Variants in SGK2 observed in about 807,000 individuals in gnomAD.
SGK2 encodes the protein serine/threonine-protein kinase Sgk2.
In SGK2, 36 loss-of-function variants were observed where a neutral mutation model predicts 47.5. That is an observed-to-expected ratio of 0.76 (90% CI 0.58 to 1.00). SGK2 has a LOEUF of 1.00. Among genes scored for constraint, SGK2 ranks in the 50% least tolerant of loss-of-function variants. SGK2 has a pLI of 0.00. For synonymous variants in SGK2, 157 were observed against 181.9 expected (o/e 0.86, Z 1.10); for missense variants, 404 against 467.4 (o/e 0.86, Z 1.25).
chr20:43,565,144 G>C (rs1486584869), intron 1 of SGK2: 3 of 152,338 alleles, frequency 2.0e-5, no homozygotes, highest in African/African-American at 7.2e-5. Flanking sequence ...GCCGGGAGCT[G>C]TGAGCTCTGT....
At chr20:43,579,827 G>A in intron 11 of SGK2, 145 bp from the exon 12 acceptor site, 1 of 660,770 alleles carries the variant, frequency 1.5e-6, no homozygotes, top group Non-Finnish European at 2.7e-6. Context: ...AAACTCTCTT[G>A]TCCCAGGAAA....
rs548126301 is a variant in SGK2 at position 43,577,831 on chromosome 20, G to T, written c.849+1452G>T. Among the ~76,000 whole-genome samples the T allele has an allele frequency of 2.6e-5, 4 of 151,900 alleles. No individual in the cohort carries two copies. The South Asian group carries it at 8.3e-4, about 32-fold the overall frequency. On this transcript the variant is annotated intron_variant, in intron 11 of 12. Coordinates refer to ENST00000373100, the MANE Select transcript of SGK2 (RefSeq NM_170693.3). The stretch of plus-strand genomic sequence containing the variant: ...GCTAATTTTGTATTTTTTTAGTAGA[G>T]ACGGGGTTTCACTATGTTGGACAGG...
Position 43,561,747 on chromosome 20 carries a change from G to A in SGK2, c.-24+2588G>A, listed in dbSNP as rs900831609. 2.6e-5 allele frequency among the ~76,000 whole-genome samples: 4 copies of A among 152,044 alleles called. No individual in the cohort carries two copies. In the East Asian group the frequency reaches 7.7e-4, roughly 29 times the overall value. On this transcript the variant is annotated intron_variant, in intron 1 of 12. Coordinates refer to ENST00000373100, the MANE Select transcript of SGK2 (RefSeq NM_170693.3). ...ACCACTGGAGTTTTTGAGCAACTAA[G>A]GCACATGATCTGATTTACATTTTAA... is the stretch of plus-strand genomic sequence containing the variant.
At chr20:43,583,281 A>G (rs144536670) in intron 12 of SGK2, 4 of 1,289,680 alleles carry the variant, frequency 3.1e-6, no homozygotes, top group East Asian at 1.1e-4. Flanking sequence ...AGAGAACCAT[A>G]CATGGAATAC....
At position 43,572,824 on chromosome 20, in the gene SGK2, C is replaced by T. The variant is rs1459997558; in HGVS notation, c.597+687C>T. 2.0e-5 allele frequency among the ~76,000 whole-genome samples: 3 copies of T among 152,102 alleles called. No homozygotes were observed. Among genetic ancestry groups the T allele is most frequent in the Non-Finnish European group, 2.9e-5 (2 of 68,020 alleles). ...CCCAATATATCCAATATTCTCATTT[C>T]AACATACCATCAATATAAAACTGGT... On this transcript the variant is annotated intron_variant, in intron 9 of 12. Coordinates refer to ENST00000373100, the MANE Select transcript of SGK2 (RefSeq NM_170693.3). The surrounding 1 kb of genome is among the most constrained non-coding windows in gnomAD (Gnocchi z 4.2).
At chr20:43,579,905 G>A (rs142448834) in intron 11 of SGK2, 67 bp from the exon 12 acceptor site, 57 of 949,478 alleles carry the variant, frequency 6.0e-5, no homozygotes, top group Non-Finnish European at 8.9e-5. Flanking sequence ...AGGATGTGGG[G>A]GTGAGGTGAG....
chr20:43,580,727 C>CAAAAA (rs764803627), intron 12 of SGK2, among the ~76,000 whole-genome samples: 3 of 68,756 alleles, frequency 4.4e-5, no homozygotes, highest in African/African-American at 1.1e-4. Flanking sequence ...GACTTCATCT[C>CAAAAA]AAAAAAAAAA....
intron 6 of SGK2, 89 bp from the exon 7 acceptor site, chr20:43,570,528 G>A (rs1327368397): frequency 5.0e-6 from 4 of 807,218 alleles, no homozygotes; most frequent in Non-Finnish European, 8.1e-6. Context: ...GAGGGAGTGA[G>A]CTCGCAGCCG....
In SGK2 at chr20:43,577,869, G is replaced by A. The variant is rs62224807; in HGVS notation, c.849+1490G>A. Among the ~76,000 whole-genome samples, 505 of 151,102 alleles carry A rather than the reference G, an allele frequency of 3.3e-3. 2 individuals carry two copies. Among genetic ancestry groups the A allele is most frequent in the Middle Eastern group, 0.01 (3 of 294 alleles). ...TATGTTGGACAGGCTGGTCTCGAAC[G>A]CCTGACCTCAAGTGATCTGCCCGCC... On this transcript the variant is annotated intron_variant, in intron 11 of 12. Coordinates refer to ENST00000373100, the MANE Select transcript of SGK2 (RefSeq NM_170693.3).
intron 11 of SGK2, among the ~76,000 whole-genome samples, chr20:43,578,534 A>G (rs147072522): frequency 3.9e-5 from 6 of 152,306 alleles, no homozygotes; most frequent in Admixed American, 3.3e-4. Flanking sequence ...ACCTGGGTTC[A>G]GCAGATCCCT....
At chr20:43,571,087 GT>G in intron 8 of SGK2, 27 bp downstream of exon 8, 1 of 1,609,664 alleles carries the variant, frequency 6.2e-7, no homozygotes, top group Non-Finnish European at 8.5e-7. Flanking sequence ...GTGTGTGTGT[GT>G]GTGTGTGTGT....
chr20:43,573,745 T>A (rs1185492982), intron 9 of SGK2, among the ~76,000 whole-genome samples: 2 of 152,214 alleles, frequency 1.3e-5, no homozygotes, highest in Non-Finnish European at 2.9e-5. Context: ...GATGGTCGGA[T>A]GAACTCTCTG....
chr20:43,571,488 T>C (rs1181450226), intron 8 of SGK2, among the ~76,000 whole-genome samples: 2 of 152,166 alleles, frequency 1.3e-5, no homozygotes, highest in African/African-American at 4.8e-5. Context: ...CCTCAGCTGA[T>C]CTTGCCGGCA....
In SGK2 at chr20:43,567,646, T is replaced by C. The variant is rs1568662347; in HGVS notation, c.87-19T>C. The C allele has an allele frequency of 1.2e-6, 2 of 1,613,088 alleles. No homozygotes were observed. On this transcript the variant is annotated intron_variant, in intron 3 of 12. Coordinates refer to ENST00000373100, the MANE Select transcript of SGK2 (RefSeq NM_170693.3). ...CAGACATTGCAAATGCTGATCCGTG[T>C]TTTTCCCTCTTCCCCCAGTGCCCAG...
In SGK2 at chr20:43,562,969, C is replaced by T. The variant is rs1051068163; in HGVS notation, c.-23-3504C>T. On this transcript the variant is annotated intron_variant, in intron 1 of 12. Coordinates refer to ENST00000373100, the MANE Select transcript of SGK2 (RefSeq NM_170693.3). ...CCAACATGGCGAAACCCCATCTCTA[C>T]TTAAAAAAATACAAAAATTAGCCGG... Among the ~76,000 whole-genome samples, 31 of 151,844 alleles carry T rather than the reference C, an allele frequency of 2.0e-4. 1 individual carries two copies. The highest frequency in any genetic ancestry group is 5.3e-4 in the African/African-American group (22 of 41,336).
intron 7 of SGK2, 77 bp from the exon 8 acceptor site, chr20:43,570,947 A>AC (rs1980072818): frequency 1.2e-6 from 2 of 1,605,968 alleles, no homozygotes; most frequent in East Asian, 4.5e-5. Flanking sequence ...TGCCAGGACC[A>AC]CCCCCCGCCC....
At chr20:43,582,165 AGCC>A (rs1194333367) in intron 12 of SGK2, among the ~76,000 whole-genome samples, 2 of 3,956 alleles carry the variant, frequency 5.1e-4, no homozygotes, top group African/African-American at 7.4e-4. Flanking sequence ...CTCCTACCTC[AGCC>A]TCCTGAGTAC....
intron 5 of SGK2, 60 bp from the exon 6 acceptor site, chr20:43,569,325 C>A: frequency 6.3e-7 from 1 of 1,595,996 alleles, no homozygotes; most frequent in Non-Finnish European, 8.6e-7. Flanking sequence ...ATGGGCTGAG[C>A]CGGGATAAAA....
intron 9 of SGK2, among the ~76,000 whole-genome samples, chr20:43,574,460 C>G (rs546641524): frequency 3.3e-4 from 51 of 152,342 alleles, no homozygotes; most frequent in African/African-American, 1.2e-3. Flanking sequence ...CGGGGCCTTC[C>G]GTTCCCAGGA....
Sources: allele counts gnomAD v4.1 joint callset (sites outside exome capture counted in the v4.1 genomes callset), GRCh38; gene constraint gnomAD v4.1.1; non-coding constraint Gnocchi (gnomAD v3.1); transcripts MANE v1.5; gene names NCBI Gene and HGNC (gene_info 2026-07-23, HGNC 2026-07-21).